CADPS2: variants seen among roughly 807,000 people sequenced by gnomAD.
CADPS2 encodes the protein calcium dependent secretion activator 2.
Under a neutral mutation model 172.5 loss-of-function variants are expected in CADPS2, and 93 were observed. That is an observed-to-expected ratio of 0.54 (90% CI 0.46 to 0.64). CADPS2 has a LOEUF of 0.64. Among genes scored for constraint, CADPS2 ranks in the 30% least tolerant of loss-of-function variants. CADPS2 has a pLI of 0.00. For missense variants in CADPS2, 1,420 were observed against 1,565.9 expected (o/e 0.91, Z 1.57); for synonymous variants, 546 against 555.2 (o/e 0.98, Z 0.23).
intron 12 of CADPS2, among the ~76,000 whole-genome samples, chr7:122,478,597 T>C (rs2056962993): frequency 6.6e-6 from 1 of 152,210 alleles, no homozygotes; most frequent in Non-Finnish European, 1.5e-5. Context: ...AAAAATTAAA[T>C]TTTTTCATTA....
At chr7:122,362,906 A>G (rs2040364995) in intron 25 of CADPS2, among the ~76,000 whole-genome samples, 1 of 152,186 alleles carries the variant, frequency 6.6e-6, no homozygotes, top group Non-Finnish European at 1.5e-5. Context: ...CCATCACATC[A>G]TTTGCGACAT....
Position 122,365,654 on chromosome 7 carries a change from G to T in CADPS2, c.3388-4641C>A, listed in dbSNP as rs145758618. Among the ~76,000 whole-genome samples, 487 of 152,208 alleles carry T rather than the reference G, an allele frequency of 3.2e-3. 6 individuals are homozygous for T. The highest frequency in any genetic ancestry group is 0.011 in the African/African-American group (451 of 41,510). On this transcript the variant is annotated intron_variant, in intron 25 of 29. Transcript: ENST00000449022. ...TCTGTTCTCCTGAGGGTGTCGGGTT[G>T]GAATGAAACACTGTAATCTCTTTGT...
intron 19 of CADPS2, among the ~76,000 whole-genome samples, chr7:122,408,158 TCTA>T (rs1287086025): frequency 6.6e-6 from 1 of 151,844 alleles, no homozygotes; most frequent in African/African-American, 2.4e-5. Context: ...AGCATAATCT[TCTA>T]CTATAAGGAT....
intron 2 of CADPS2, among the ~76,000 whole-genome samples, chr7:122,722,258 G>T (rs1385320417): frequency 6.6e-6 from 1 of 152,048 alleles, no homozygotes; most frequent in Non-Finnish European, 1.5e-5. Flanking sequence ...AATTGTCCCT[G>T]TTTGCAGATG....
intron 1 of CADPS2, among the ~76,000 whole-genome samples, chr7:122,773,373 G>A (rs1353892753): frequency 6.6e-6 from 1 of 151,868 alleles, no homozygotes; most frequent in Admixed American, 6.6e-5. Flanking sequence ...TAATATCCGT[G>A]TTCATTTACT....
At chr7:122,504,313 G>A (rs977438141) in intron 9 of CADPS2, among the ~76,000 whole-genome samples, 2 of 152,146 alleles carry the variant, frequency 1.3e-5, no homozygotes, top group South Asian at 4.1e-4. Flanking sequence ...TCAGTTGTCA[G>A]GGAGCCACCA....
chr7:122,535,464 T>A (rs2062165180), intron 8 of CADPS2, among the ~76,000 whole-genome samples: 1 of 152,072 alleles, frequency 6.6e-6, no homozygotes, highest in African/African-American at 2.4e-5. Context: ...TGGATCAGCT[T>A]GCTAATTAGA....
At chr7:122,575,073 A>C (rs920936470) in intron 7 of CADPS2, among the ~76,000 whole-genome samples, 2 of 152,094 alleles carry the variant, frequency 1.3e-5, no homozygotes, top group Non-Finnish European at 2.9e-5. Flanking sequence ...ACCAGTCATG[A>C]AAAAAATAGT....
chr7:122,417,325 T>C (rs2048039984), intron 17 of CADPS2, among the ~76,000 whole-genome samples: 1 of 152,172 alleles, frequency 6.6e-6, no homozygotes, highest in South Asian at 2.1e-4. Context: ...CCTCAAGCCA[T>C]ATACACTTCC....
intron 8 of CADPS2, among the ~76,000 whole-genome samples, chr7:122,534,177 G>A (rs966215271): frequency 2.0e-5 from 3 of 152,012 alleles, no homozygotes; most frequent in Non-Finnish European, 4.4e-5. Context: ...TCTTTTAAAA[G>A]CGTGATTCTG....
At chr7:122,538,175 A>G (rs1227646081) in intron 8 of CADPS2, among the ~76,000 whole-genome samples, 2 of 151,710 alleles carry the variant, frequency 1.3e-5, no homozygotes, top group South Asian at 4.1e-4. Flanking sequence ...AAAGTGAAAA[A>G]GAGAATGCAA....
chr7:122,708,431 A>C (rs572915097), intron 2 of CADPS2, among the ~76,000 whole-genome samples: 76 of 136,622 alleles, frequency 5.6e-4, no homozygotes, highest in Admixed American at 4.8e-3. Flanking sequence ...ATGTACACAC[A>C]ATATGTGTGT....
chr7:122,674,040 T>C (rs1438341387), intron 2 of CADPS2, among the ~76,000 whole-genome samples: 1 of 152,030 alleles, frequency 6.6e-6, no homozygotes, highest in Non-Finnish European at 1.5e-5. Context: ...TACTGGGGGA[T>C]CCGGCACACC....
chr7:122,327,577 A>G (rs1441925185), intron 28 of CADPS2, among the ~76,000 whole-genome samples: 1 of 152,096 alleles, frequency 6.6e-6, no homozygotes, highest in Non-Finnish European at 1.5e-5. Flanking sequence ...CTTTCTTAAA[A>G]TTACTCTATA....
At chr7:122,510,461 C>A (rs1457610821) in intron 9 of CADPS2, among the ~76,000 whole-genome samples, 1 of 152,154 alleles carries the variant, frequency 6.6e-6, no homozygotes, top group Non-Finnish European at 1.5e-5. Flanking sequence ...CGTCTTTTCA[C>A]CTCAGTGGCT....
At chr7:122,323,881 A>T (rs1477774450) in intron 29 of CADPS2, among the ~76,000 whole-genome samples, 4 of 8,426 alleles carry the variant, frequency 4.7e-4, no homozygotes, top group Non-Finnish European at 1.4e-3. Flanking sequence ...TTTTATATAT[A>T]TATATATATA....
At chr7:122,433,363 T>C (rs1195401615) in intron 17 of CADPS2, among the ~76,000 whole-genome samples, 1 of 152,114 alleles carries the variant, frequency 6.6e-6, no homozygotes, top group Non-Finnish European at 1.5e-5. Context: ...TTCAATCAAT[T>C]TAAATTACAT....
At chr7:122,359,419 T>A (rs114427797) in intron 27 of CADPS2, among the ~76,000 whole-genome samples, 404 of 152,204 alleles carry the variant, frequency 2.7e-3, no homozygotes, top group African/African-American at 9.1e-3. Flanking sequence ...AGAAGGGAAG[T>A]AAATGAACCA....
At chr7:122,645,681 A>ATC (rs1554688696) in intron 3 of CADPS2, among the ~76,000 whole-genome samples, 222 of 116,814 alleles carry the variant, frequency 1.9e-3, no homozygotes, top group African/African-American at 6.7e-3. Context: ...ATATATATAT[A>ATC]TCTTGGGATT....
Sources: gnomAD v4.1 joint callset for allele counts (sites outside exome capture counted in the v4.1 genomes callset) on GRCh38, gnomAD v4.1.1 for gene constraint, MANE v1.5 for transcripts, NCBI Gene and HGNC (gene_info 2026-07-23, HGNC 2026-07-21) for gene names.